The following SNTG1 variants were observed in gnomAD, a reference collection of about 807,000 sequenced individuals.
SNTG1 encodes syntrophin gamma 1.
Under a neutral mutation model 74.7 loss-of-function variants are expected in SNTG1, and 39 were observed. The ratio of observed to expected loss-of-function variants is 0.52; its 90% CI spans 0.40 to 0.68. The LOEUF is 0.68. Ranked by LOEUF, SNTG1 falls within the 30% of genes least tolerant of loss-of-function variation. The pLI, the probability that SNTG1 is intolerant of heterozygous loss-of-function variation, is 0.00. For synonymous variants in SNTG1, 254 were observed against 217.1 expected, an observed-to-expected ratio of 1.17 and a Z score of -1.49; for missense variants, 685 against 609.5, an observed-to-expected ratio of 1.12 and a Z score of -1.30.
intron 8 of SNTG1, among the ~76,000 whole-genome samples, chr8:50,456,281 G>A (rs187141845): frequency 5.3e-5 from 8 of 152,142 alleles, no homozygotes; most frequent in Admixed American, 2.0e-4. Context: ...GAGTGAAGTT[G>A]AACAACTTAG....
intron 2 of SNTG1, among the ~76,000 whole-genome samples, chr8:50,290,025 G>T (rs142099883): frequency 6.6e-6 from 1 of 152,136 alleles, no homozygotes; most frequent in Non-Finnish European, 1.5e-5. Context: ...GTACAATTAC[G>T]TTATTTTCAA....
intron 12 of SNTG1, among the ~76,000 whole-genome samples, chr8:50,564,573 C>A (rs1466840655): frequency 1.3e-5 from 2 of 152,138 alleles, no homozygotes; most frequent in East Asian, 3.9e-4. Context: ...CCCTCCCATA[C>A]TCAAGTATTT....
chr8:50,310,424 C>T (rs772817072), intron 2 of SNTG1, among the ~76,000 whole-genome samples: 11 of 152,146 alleles, frequency 7.2e-5, no homozygotes, highest in Admixed American at 3.3e-4. Context: ...CTTGGTGGCT[C>T]ACGCATGTAA....
chr8:50,719,148 A>G (rs1353549649), intron 17 of SNTG1, among the ~76,000 whole-genome samples: 2 of 152,208 alleles, frequency 1.3e-5, no homozygotes, highest in Non-Finnish European at 2.9e-5. Context: ...AACAAGTTAA[A>G]CAAAAACAAA....
At chr8:50,162,406 C>CA (rs1308102463) in intron 1 of SNTG1, among the ~76,000 whole-genome samples, 2 of 151,656 alleles carry the variant, frequency 1.3e-5, no homozygotes, top group Non-Finnish European at 2.9e-5. Context: ...ACTAAAAATA[C>CA]AAAAAATTAG....
chr8:50,079,608 T>C (rs1363350020), intron 1 of SNTG1, among the ~76,000 whole-genome samples: 1 of 152,192 alleles, frequency 6.6e-6, no homozygotes, highest in East Asian at 1.9e-4. Flanking sequence ...TTCCAATTGC[T>C]TTTGAGATTT....
At chr8:50,200,413 C>T (rs564285598) in intron 2 of SNTG1, among the ~76,000 whole-genome samples, 6 of 152,200 alleles carry the variant, frequency 3.9e-5, no homozygotes, top group South Asian at 2.1e-4. Flanking sequence ...TAGAAACAGA[C>T]GTTGATTCCT....
intron 1 of SNTG1, among the ~76,000 whole-genome samples, chr8:49,968,501 AAGATCC>A (rs1183176367): frequency 5.3e-5 from 8 of 152,196 alleles, no homozygotes; most frequent in Admixed American, 6.5e-5. Flanking sequence ...CTAAAGTGGA[AAGATCC>A]AGATCACTAG....
chr8:49,927,710 A>T (rs1251071051), intron 1 of SNTG1, among the ~76,000 whole-genome samples: 1 of 152,100 alleles, frequency 6.6e-6, no homozygotes, highest in East Asian at 1.9e-4. Context: ...CAGAGCATAG[A>T]TTTTTATCAC....
chr8:50,177,049 T>A (rs2083024555), intron 2 of SNTG1, among the ~76,000 whole-genome samples: 1 of 152,188 alleles, frequency 6.6e-6, no homozygotes, highest in Non-Finnish European at 1.5e-5. Context: ...TATTTGTGTT[T>A]GTCTGTGAAG....
chr8:50,768,061 G>A (rs1028746001), intron 18 of SNTG1, among the ~76,000 whole-genome samples: 7 of 151,962 alleles, frequency 4.6e-5, no homozygotes. Context: ...TCTATTTAGT[G>A]GAACAGTGCA....
At chr8:50,690,114 T>C (rs1255390968) in intron 15 of SNTG1, among the ~76,000 whole-genome samples, 2 of 152,214 alleles carry the variant, frequency 1.3e-5, no homozygotes, top group Non-Finnish European at 2.9e-5. Flanking sequence ...TCATTTTTTA[T>C]TGCGTCTATT....
At chr8:50,285,321 T>C (rs1395320553) in intron 2 of SNTG1, among the ~76,000 whole-genome samples, 1 of 152,166 alleles carries the variant, frequency 6.6e-6, no homozygotes, top group Non-Finnish European at 1.5e-5. Flanking sequence ...AAGAATTAAA[T>C]ACATTATTTG....
intron 1 of SNTG1, among the ~76,000 whole-genome samples, chr8:50,041,400 A>G (rs534299640): frequency 3.3e-5 from 5 of 152,206 alleles, no homozygotes; most frequent in Non-Finnish European, 7.3e-5. Context: ...CTAAAATAAC[A>G]CTAATAAAGA....
chr8:50,300,149 C>T (rs976699251), intron 2 of SNTG1, among the ~76,000 whole-genome samples: 9 of 152,092 alleles, frequency 5.9e-5, no homozygotes, highest in Admixed American at 2.6e-4. Flanking sequence ...CAGTTAGTAG[C>T]TAACTTTTGT....
rs761180836 is a variant in SNTG1, at chr8:50,502,796, G to T, written c.382G>T (p.Ala128Ser). 6.2e-7 allele frequency: 1 copy of T among 1,612,748 alleles called. No homozygotes were observed. Among genetic ancestry groups the T allele is most frequent in the East Asian group, 2.2e-5 (1 of 44,756 alleles). The change falls in exon 9 of 19, where the codon GCT becomes TCT. Residue 128 changes from alanine (A) to serine (S), a missense_variant. Physicochemically the swap from Ala to Ser is moderately conservative, Grantham distance 99. Coordinates refer to ENST00000642720, the MANE Select transcript of SNTG1 (RefSeq NM_018967.5). ...HEEVVQVLRN[A>S]GEEVTLTVSF... ...TTTTCAGGTTCAGGTTCTTCGGAAT[G>T]CTGGAGAAGAAGTGACTCTAACAGT...
In SNTG1 at chr8:50,792,673, G is replaced by A. The variant is rs1284203869; in HGVS notation, c.1398G>A (p.Glu466=). Residue 466 remains glutamate, a splice_region_variant and synonymous_variant, in exon 19 of 19, where the codon GAG becomes GAA. Coordinates refer to ENST00000642720, the MANE Select transcript of SNTG1 (RefSeq NM_018967.5). ...ACCTGTTTCTCTTTCCCTTTCAGGA[G>A]TTGGAATTTTCTAATTTATTTGCTG... The part of the protein sequence containing the change: ...NPDTKQIEAK[E]LEFSNLFAVL... 3.7e-6 allele frequency: 6 copies of A among 1,603,754 alleles called. No individual in the cohort carries two copies. In the East Asian group the frequency reaches 9.0e-5, roughly 24 times the overall value.
intron 14 of SNTG1, among the ~76,000 whole-genome samples, chr8:50,658,132 C>A (rs1444588363): frequency 3.3e-5 from 5 of 152,072 alleles, no homozygotes; most frequent in Admixed American, 3.3e-4. Flanking sequence ...AGTGAAATAA[C>A]TGCATTATGC....
At chr8:50,103,593 C>G (rs2080239049) in intron 1 of SNTG1, among the ~76,000 whole-genome samples, 2 of 152,280 alleles carry the variant, frequency 1.3e-5, no homozygotes, top group East Asian at 1.9e-4. Context: ...ACTTCCAACA[C>G]TATGTTGAAT....
Sources: allele counts gnomAD v4.1 joint callset (sites outside exome capture counted in the v4.1 genomes callset), GRCh38; gene constraint gnomAD v4.1.1; transcripts MANE v1.5; gene names NCBI Gene and HGNC (gene_info 2026-07-23, HGNC 2026-07-21).